The following MNS1 variants were observed in gnomAD, a reference collection of about 807,000 sequenced individuals.
MNS1 encodes meiosis specific nuclear structural 1, also known as meiosis-specific nuclear structural protein 1.
Under a neutral mutation model 72.0 loss-of-function variants are expected in MNS1, and 63 were observed. That is an observed-to-expected ratio of 0.87 (90% confidence interval 0.71 to 1.08). MNS1 has a LOEUF of 1.08. MNS1 is among the 50% of genes least tolerant of loss of function. The probability of loss-of-function intolerance (pLI) is 0.00; values close to 1 mark genes in which losing one functional copy is unlikely to be tolerated. For missense variants in MNS1, 604 were observed against 562.4 expected (o/e 1.07, Z -0.75); for synonymous variants, 188 against 172.1 (o/e 1.09, Z -0.72).
chr15:56,451,729 T>G lies in MNS1; in HGVS notation c.353+4665A>C, dbSNP rs78261337. Among the ~76,000 whole-genome samples the G allele has an allele frequency of 2.3e-3, 347 of 152,128 alleles. 1 individual carries two copies. Among genetic ancestry groups the G allele is most frequent in the Middle Eastern group, 3.4e-3 (1 of 294 alleles). On this transcript the variant is annotated intron_variant, in intron 3 of 9. Coordinates refer to ENST00000260453, the MANE Select transcript of MNS1 (RefSeq NM_018365.4). ...TCACAGTAGGTTCCTCAATTCATGA[T>G]GGGATGCATCCCAATAAACCTGTCG...
At chr15:56,456,719 G>A (rs1242052537) in intron 2 of MNS1, among the ~76,000 whole-genome samples, 198 bp from the exon 3 acceptor site, 7 of 152,016 alleles carry the variant, frequency 4.6e-5, no homozygotes, top group Non-Finnish European at 8.8e-5. Context: ...ATTGCCAATA[G>A]TAAGAAGAAT....
rs147636170 is a variant in MNS1, at chr15:56,452,064, T to C, written c.353+4330A>G. Reference sequence around the variant, plus strand: ...AATTGGGTTTCCATTTACAAGCTTATATCTTCTTTCTACTTGTCTTCCCTG... The same window carrying C: ...AATTGGGTTTCCATTTACAAGCTTACATCTTCTTTCTACTTGTCTTCCCTG... On this transcript the variant is annotated intron_variant, in intron 3 of 9. Transcript: ENST00000260453. Among the ~76,000 whole-genome samples, 556 of 152,344 alleles carry C rather than the reference T, an allele frequency of 3.6e-3. 21 individuals are homozygous for C. The highest frequency in any genetic ancestry group is 0.031 in the Admixed American group (477 of 15,304).
At chr15:56,458,750 TTAAAGTTCCTCCA>T (rs1245267832) in intron 2 of MNS1, among the ~76,000 whole-genome samples, 1 of 152,178 alleles carries the variant, frequency 6.6e-6, no homozygotes, top group Non-Finnish European at 1.5e-5. Flanking sequence ...TAATATGCAT[TTAAAGTTCCTCCA>T]CATCTTTTCA....
At chr15:56,433,358 C>A (rs1232835266) in intron 8 of MNS1, among the ~76,000 whole-genome samples, 1 of 151,946 alleles carries the variant, frequency 6.6e-6, no homozygotes, top group Admixed American at 6.6e-5. Flanking sequence ...AGCAAACCAC[C>A]ATGGCACATG....
rs749881585 is a variant in MNS1, at chr15:56,464,236, C to T, written c.15G>A (p.Arg5=). The change falls in exon 2 of 10, where the codon AGG becomes AGA. Residue 5 remains arginine (R), a synonymous_variant. Coordinates refer to ENST00000260453, the MANE Select transcript of MNS1 (RefSeq NM_018365.4). ...GCCTTTCACTACAGCTCAAATTTCT[C>T]CTTTTGGAACCCTACGATGGAAGAA... MGSK[R]RNLSCSERHQ... is the part of the protein sequence containing the mutation. The T allele has an allele frequency of 3.8e-6, 6 of 1,599,324 alleles. No homozygotes were observed. Among genetic ancestry groups the T allele is most frequent in the Non-Finnish European group, 5.1e-6 (6 of 1,175,478 alleles).
intron 2 of MNS1, 113 bp from the exon 3 acceptor site, chr15:56,456,634 T>A: frequency 9.7e-7 from 1 of 1,029,858 alleles, no homozygotes; most frequent in Non-Finnish European, 1.4e-6. Context: ...CAATTGATGA[T>A]GTTTTATTTT....
chr15:56,458,011 A>G (rs938762907), intron 2 of MNS1, among the ~76,000 whole-genome samples: 4 of 152,226 alleles, frequency 2.6e-5, no homozygotes, highest in African/African-American at 9.6e-5. Context: ...ACTGTGGTAC[A>G]TCCATACTAT....
intron 3 of MNS1, among the ~76,000 whole-genome samples, chr15:56,448,683 C>T (rs1264689161): frequency 6.6e-6 from 1 of 151,718 alleles, no homozygotes; most frequent in Non-Finnish European, 1.5e-5. Flanking sequence ...ATGAATAGCA[C>T]AGCAATAAAC....
chr15:56,442,985 T>C (rs1289381906), intron 7 of MNS1, among the ~76,000 whole-genome samples: 1 of 152,190 alleles, frequency 6.6e-6, no homozygotes, highest in Non-Finnish European at 1.5e-5. Context: ...TTTTGCTTCA[T>C]GTATTGTGAA....
At chr15:56,445,193 T>C (rs2050886597) in intron 4 of MNS1, among the ~76,000 whole-genome samples, 1 of 152,036 alleles carries the variant, frequency 6.6e-6, no homozygotes, top group East Asian at 1.9e-4. Context: ...CCCTTTCTGA[T>C]TTATTAAAGG....
intron 2 of MNS1, among the ~76,000 whole-genome samples, chr15:56,458,071 T>C (rs145066141): frequency 5.3e-5 from 8 of 152,324 alleles, no homozygotes; most frequent in African/African-American, 1.9e-4. Context: ...AAAACTTGGA[T>C]GAATCTCCAT....
chr15:56,462,721 T>C (rs2140385354), intron 2 of MNS1, among the ~76,000 whole-genome samples: 1 of 152,314 alleles, frequency 6.6e-6, no homozygotes, highest in South Asian at 2.1e-4. Context: ...GGATCTTGGT[T>C]AAAACAAACC....
intron 2 of MNS1, among the ~76,000 whole-genome samples, chr15:56,457,751 G>A (rs1335271284): frequency 6.6e-6 from 1 of 151,620 alleles, no homozygotes; most frequent in African/African-American, 2.4e-5. Context: ...GGAGTTCAAG[G>A]CTGCAGTAAG....
At chr15:56,435,914 A>G (rs1294793452) in intron 7 of MNS1, among the ~76,000 whole-genome samples, 1 of 152,064 alleles carries the variant, frequency 6.6e-6, no homozygotes, top group East Asian at 1.9e-4. Flanking sequence ...TATTAGAAAA[A>G]TAGATCATAC....
At chr15:56,448,881 G>GTAGC (rs2050927757) in intron 3 of MNS1, among the ~76,000 whole-genome samples, 1 of 151,612 alleles carries the variant, frequency 6.6e-6, no homozygotes, top group African/African-American at 2.4e-5. Context: ...AGCCTCCCAG[G>GTAGC]TAGCTGGGAC....
At chr15:56,436,408 T>G (rs909640832) in intron 7 of MNS1, among the ~76,000 whole-genome samples, 3 of 152,140 alleles carry the variant, frequency 2.0e-5, no homozygotes, top group African/African-American at 7.2e-5. Flanking sequence ...TTGAAACCAA[T>G]GAGAACAAAG....
At chr15:56,459,877 C>CTACTTGGAA (rs1384657893) in intron 2 of MNS1, among the ~76,000 whole-genome samples, 4 of 149,292 alleles carry the variant, frequency 2.7e-5, no homozygotes, top group Non-Finnish European at 5.9e-5. Context: ...ATAATCCCAG[C>CTACTTGGAA]TACTTGGAAG....
intron 8 of MNS1, among the ~76,000 whole-genome samples, chr15:56,431,972 TA>T (rs1251875504): frequency 1.3e-5 from 2 of 152,118 alleles, no homozygotes; most frequent in Non-Finnish European, 2.9e-5. Flanking sequence ...TGCTCACTCT[TA>T]AATAATCACA....
chr15:56,460,591 G>T (rs1415097317), intron 2 of MNS1, among the ~76,000 whole-genome samples: 1 of 152,136 alleles, frequency 6.6e-6, no homozygotes, highest in African/African-American at 2.4e-5. Context: ...AAGTAGTCAG[G>T]TGAAGGGTAT....
Sources: allele counts gnomAD v4.1 joint callset (sites outside exome capture counted in the v4.1 genomes callset), GRCh38; gene constraint gnomAD v4.1.1; transcripts MANE v1.5; gene names NCBI Gene and HGNC (gene_info 2026-07-23, HGNC 2026-07-21).